Variants in KIRREL3 observed in about 807,000 individuals in gnomAD.
KIRREL3 encodes kirre like nephrin family adhesion molecule 3, also known as kin of IRRE-like protein 3.
A neutral mutation model predicts 89.7 loss-of-function variants in KIRREL3; 36 were observed. The observed-to-expected ratio is 0.40, with a 90% CI of 0.31 to 0.53. KIRREL3 has a LOEUF of 0.53. Ranked by LOEUF, KIRREL3 falls within the 20% of genes least tolerant of loss-of-function variation. The pLI, the probability that KIRREL3 is intolerant of heterozygous loss-of-function variation, is 0.49. For missense variants in KIRREL3, 864 were observed against 1,056.6 expected, an observed-to-expected ratio of 0.82 and a Z score of 2.53; for synonymous variants, 445 against 441.4, an observed-to-expected ratio of 1.01 and a Z score of -0.10.
chr11:126,984,529 T>A (rs1340730458), intron 1 of KIRREL3, among the ~76,000 whole-genome samples: 1 of 152,214 alleles, frequency 6.6e-6, no homozygotes, highest in East Asian at 1.9e-4. Context: ...TTCCAGGCCA[T>A]TCTCACTGGC....
chr11:126,973,100 G>GAAAAAA (rs11449960), intron 1 of KIRREL3, among the ~76,000 whole-genome samples: 1 of 119,630 alleles, frequency 8.4e-6, no homozygotes. Context: ...AAGTTTTGAG[G>GAAAAAA]AAAAAAAAAA....
At position 126,731,403 on chromosome 11, in the gene KIRREL3, G is replaced by A. The variant is rs1334276302; in HGVS notation, c.56-168491C>T. 2.6e-5 allele frequency among the ~76,000 whole-genome samples: 4 copies of A among 152,192 alleles called. No homozygotes were observed. The East Asian group carries it at 5.8e-4, about 22-fold the overall frequency. On this transcript the variant is annotated intron_variant, in intron 1 of 16. Transcript: ENST00000525144. ...GGTCAGAGCTTACTTAGTCCTTCAA[G>A]ACTCAGCCCGAATACCATTTCCTGG...
rs759818467 is a variant in KIRREL3, at chr11:126,425,694, C to G, written c.1837G>C (p.Val613Leu). 4 of 1,598,314 alleles carry G rather than the reference C, an allele frequency of 2.5e-6. No homozygotes were observed. Among genetic ancestry groups the G allele is most frequent in the Non-Finnish European group, 3.4e-6 (4 of 1,171,834 alleles). ...TTGAGGACCTCCAGCTGTTTCAGGA[C>G]TGAGTCTTGCTGGAATTCACCCCGG... ...MDRGEFQQDS[V>L]LKQLEVLKEE... Residue 613 changes from valine (V) to leucine (L), a missense_variant, in exon 16 of 17, where the codon GTC (valine) becomes CTC (leucine). By Grantham distance (32) the Val-to-Leu change is conservative. Transcript: ENST00000525144.
chr11:126,712,585 CTT>C (rs1246585260), intron 1 of KIRREL3, among the ~76,000 whole-genome samples: 4 of 152,208 alleles, frequency 2.6e-5, no homozygotes, highest in African/African-American at 9.6e-5. Flanking sequence ...GTGCGGGAAA[CTT>C]TCCCTCAGAG....
At chr11:126,596,650 C>A (rs1211660887) in intron 1 of KIRREL3, among the ~76,000 whole-genome samples, 1 of 152,244 alleles carries the variant, frequency 6.6e-6, no homozygotes, top group East Asian at 1.9e-4. Context: ...TTCTGGCAGG[C>A]ATGCGGGAGT....
Position 126,541,400 on chromosome 11 carries a change from G to GT in KIRREL3, c.134-14714dup, listed in dbSNP as rs1305703389. Among the ~76,000 whole-genome samples, 1 of 152,072 alleles carries GT rather than the reference G, an allele frequency of 6.6e-6. No individual in the cohort carries two copies. Among genetic ancestry groups the GT allele is most frequent in the Non-Finnish European group, 1.5e-5 (1 of 68,032 alleles). ...ACTTATCCAAAATCCTATTTCGGGG[G>GT]TGGGGGGTGGTCCTAAGGTTGAAAA... is the stretch of plus-strand genomic sequence containing the variant. On this transcript the variant is annotated intron_variant, in intron 2 of 16. Coordinates refer to ENST00000525144, the MANE Select transcript of KIRREL3 (RefSeq NM_032531.4). This position sits in a 1 kb window ranked among gnomAD's most constrained non-coding sequence, Gnocchi z 4.8.
In KIRREL3 at chr11:126,736,998, T is replaced by C. The variant is rs929360521; in HGVS notation, c.56-174086A>G. Reference sequence around the variant, plus strand: ...TATTCTCAGGGGCAGTGCCCTTATTTAGATTTCAGGGAAAAGCAAAAACAG... The same window carrying C: ...TATTCTCAGGGGCAGTGCCCTTATTCAGATTTCAGGGAAAAGCAAAAACAG... On this transcript the variant is annotated intron_variant, in intron 1 of 16. Coordinates refer to ENST00000525144, the MANE Select transcript of KIRREL3 (RefSeq NM_032531.4). The surrounding 1 kb of genome is among the most constrained non-coding windows in gnomAD (Gnocchi z 5.0). 6.6e-6 allele frequency among the ~76,000 whole-genome samples: 1 copy of C among 152,222 alleles called. No individual in the cohort carries two copies. Among genetic ancestry groups the C allele is most frequent in the Non-Finnish European group, 1.5e-5 (1 of 68,048 alleles).
At position 126,780,195 on chromosome 11, in the gene KIRREL3, C is replaced by T. The variant is rs1030171803; in HGVS notation, c.56-217283G>A. Among the ~76,000 whole-genome samples, 1 of 152,156 alleles carries T rather than the reference C, an allele frequency of 6.6e-6. No individual in the cohort carries two copies. The highest frequency in any genetic ancestry group is 2.4e-5 in the African/African-American group (1 of 41,434). ...TCAATGAAAGGAAAACAGGAAAAGA[C>T]TGCAGAAGGAAGAAGATAAGGAAGC... On this transcript the variant is annotated intron_variant, in intron 1 of 16. Coordinates refer to ENST00000525144, the MANE Select transcript of KIRREL3 (RefSeq NM_032531.4). The surrounding 1 kb of genome is among the most constrained non-coding windows in gnomAD (Gnocchi z 5.3).
chr11:126,582,225 T>C (rs1210851961), intron 1 of KIRREL3, among the ~76,000 whole-genome samples: 2 of 152,194 alleles, frequency 1.3e-5, no homozygotes, highest in South Asian at 2.1e-4. Context: ...AACTGAGCAT[T>C]CTTTGCATGG....
chr11:126,439,375 T>G (rs1306055070), intron 11 of KIRREL3, among the ~76,000 whole-genome samples: 7 of 151,548 alleles, frequency 4.6e-5, no homozygotes, highest in African/African-American at 9.7e-5. Flanking sequence ...CCTTAATTTT[T>G]TTGTTGTTGT....
rs1442399316 is a variant in KIRREL3 at position 126,723,379 on chromosome 11, AAAG to A, written c.56-160470_56-160468del. ...TGTGGAGAGGAGGCTAGAAATAGGC[AAAG>A]AAGGGAGGGGACAGGCTCTGTTTCA... On this transcript the variant is annotated intron_variant, in intron 1 of 16. Coordinates refer to ENST00000525144, the MANE Select transcript of KIRREL3 (RefSeq NM_032531.4). This position sits in a 1 kb window ranked among gnomAD's most constrained non-coding sequence, Gnocchi z 4.0. Among the ~76,000 whole-genome samples the A allele has an allele frequency of 5.9e-5, 9 of 152,202 alleles. No homozygotes were observed. Among genetic ancestry groups the A allele is most frequent in the Non-Finnish European group, 1.2e-4 (8 of 68,030 alleles).
rs1350205039 is a variant in KIRREL3, at chr11:126,475,698, ACCCTTTCATTAGTG to A, written c.434-2246_434-2233del. Among the ~76,000 whole-genome samples, 1 of 152,038 alleles carries A rather than the reference ACCCTTTCATTAGTG, an allele frequency of 6.6e-6. No homozygotes were observed. Among genetic ancestry groups the A allele is most frequent in the Non-Finnish European group, 1.5e-5 (1 of 67,988 alleles). Reference sequence around the variant, plus strand: ...ACGACCCCCCAGCCGCCCACCCCACACCCTTTCATTAGTGCCCATGGGCCTCCTTGGGGTGGGCC... The same window carrying A: ...ACGACCCCCCAGCCGCCCACCCCACACCCATGGGCCTCCTTGGGGTGGGCC... On this transcript the variant is annotated intron_variant, in intron 4 of 16. Transcript: ENST00000525144. The surrounding 1 kb of genome is among the most constrained non-coding windows in gnomAD (Gnocchi z 7.5).
At position 126,709,104 on chromosome 11, in the gene KIRREL3, G is replaced by A. The variant is rs143200657; in HGVS notation, c.56-146192C>T. 1.5e-3 allele frequency among the ~76,000 whole-genome samples: 223 copies of A among 152,314 alleles called. 1 individual carries two copies. Among genetic ancestry groups the A allele is most frequent in the Middle Eastern group, 0.01 (3 of 294 alleles). On this transcript the variant is annotated intron_variant, in intron 1 of 16. Transcript: ENST00000525144. This position sits in a 1 kb window ranked among gnomAD's most constrained non-coding sequence, Gnocchi z 4.0. Reference sequence around the variant, plus strand: ...AGAGAAGGAGAGGAGAGCCTACACTGTGCTGGGTCACTGTGTTACGCTATG... The same window carrying A: ...AGAGAAGGAGAGGAGAGCCTACACTATGCTGGGTCACTGTGTTACGCTATG...
At chr11:126,680,511 G>A (rs1476562619) in intron 1 of KIRREL3, among the ~76,000 whole-genome samples, 2 of 152,044 alleles carry the variant, frequency 1.3e-5, no homozygotes, top group Admixed American at 6.5e-5. Flanking sequence ...AGGTAGTAGG[G>A]TCTTCCCCTC....
intron 11 of KIRREL3, among the ~76,000 whole-genome samples, chr11:126,438,784 C>T (rs1392651305): frequency 9.2e-5 from 14 of 152,226 alleles, no homozygotes; most frequent in Admixed American, 8.5e-4. Flanking sequence ...CTTGAGAAAG[C>T]GTGTAGCAGC....
chr11:126,442,345 CACACACACAA>C (rs1466331100), intron 10 of KIRREL3, among the ~76,000 whole-genome samples: 3 of 139,894 alleles, frequency 2.1e-5, no homozygotes, highest in Non-Finnish European at 3.1e-5. Flanking sequence ...CACACACACA[CACACACACAA>C]AACCTTTTCC....
chr11:126,727,939 G>T (rs1464213082), intron 1 of KIRREL3, among the ~76,000 whole-genome samples: 1 of 151,960 alleles, frequency 6.6e-6, no homozygotes, highest in Non-Finnish European at 1.5e-5. Context: ...GACCCGGAGG[G>T]AAGGAATTGG....
At chr11:126,665,986 C>T (rs151026633) in intron 1 of KIRREL3, among the ~76,000 whole-genome samples, 2 of 152,330 alleles carry the variant, frequency 1.3e-5, no homozygotes, top group African/African-American at 4.8e-5. Context: ...TATACTGTGT[C>T]AGTCTAAAGC....
chr11:126,760,669 G>T (rs1297420104), intron 1 of KIRREL3, among the ~76,000 whole-genome samples: 1 of 152,176 alleles, frequency 6.6e-6, no homozygotes, highest in African/African-American at 2.4e-5. Flanking sequence ...GAGTTGAGAG[G>T]CTGTTGTGAT....
Sources: allele counts gnomAD v4.1 joint callset (sites outside exome capture counted in the v4.1 genomes callset), GRCh38; gene constraint gnomAD v4.1.1; non-coding constraint Gnocchi (gnomAD v3.1); transcripts MANE v1.5; gene names NCBI Gene and HGNC (gene_info 2026-07-23, HGNC 2026-07-21).